GPR108: variants seen among roughly 807,000 people sequenced by gnomAD.
GPR108 encodes the protein G protein-coupled receptor 108.
A neutral mutation model predicts 74.3 loss-of-function variants in GPR108; 60 were observed. The observed-to-expected ratio is 0.81, with a 90% CI of 0.66 to 1.00. The LOEUF is 1.00. GPR108 is among the 50% of genes least tolerant of loss of function. The pLI is 0.00. For synonymous variants in GPR108, 311 were observed against 292.4 expected (o/e 1.06, Z -0.65); for missense variants, 667 against 703.3 (o/e 0.95, Z 0.58).
At chr19:6,735,039 C>T (rs977285593) in intron 4 of GPR108, among the ~76,000 whole-genome samples, 1 of 151,898 alleles carries the variant, frequency 6.6e-6, no homozygotes, top group African/African-American at 2.4e-5. Context: ...CACCACCATG[C>T]CTGGCTAATT....
At position 6,732,530 on chromosome 19, in the gene GPR108, T is replaced by C. The variant is rs750504860; in HGVS notation, c.953A>G (p.Asn318Ser). ...GCCTTCGATGGGGTGGCCCTGGCTG[T>C]TGATGAAGTAGTAGTTGATCTGGGG... ...LFHSINYYFI[N>S]SQGHPIEGLA... The change falls in exon 11 of 18, where the codon AAC becomes AGC. Residue 318 changes from asparagine to serine, a missense_variant. Physicochemically the swap from Asn to Ser is conservative, Grantham distance 46 (BLOSUM62 1). Coordinates refer to ENST00000264080, the MANE Select transcript of GPR108 (RefSeq NM_001080452.2). 1 of 1,613,668 alleles carries C rather than the reference T, an allele frequency of 6.2e-7. No individual in the cohort carries two copies. The highest frequency in any genetic ancestry group is 8.5e-7 in the Non-Finnish European group (1 of 1,179,948).
intron 10 of GPR108, 125 bp downstream of exon 10, chr19:6,732,862 T>C (rs1179728990): frequency 1.1e-5 from 9 of 821,142 alleles, no homozygotes; most frequent in African/African-American, 5.1e-5. Context: ...ACTGGTAAAA[T>C]GGGTGGACAC....
intron 1 of GPR108, 149 bp from the exon 2 acceptor site, chr19:6,736,860 C>A: frequency 9.4e-7 from 1 of 1,067,280 alleles, no homozygotes; most frequent in South Asian, 1.5e-5. Context: ...TTGAGAGGGA[C>A]TTCCTCCCTG....
intron 2 of GPR108, 129 bp from the exon 3 acceptor site, chr19:6,736,087 T>G (rs1968623033): frequency 1.3e-6 from 1 of 793,362 alleles, no homozygotes; most frequent in Non-Finnish European, 2.0e-6. Context: ...TCCCACACGC[T>G]CTTTTTCTTT....
rs755841242 is a variant in GPR108, at chr19:6,731,037, C to T, written c.1509G>A (p.Pro503=). Residue 503 remains proline (P), a synonymous_variant, in exon 17 of 18, where the codon CCG becomes CCA. Transcript: ENST00000264080. ...CGTCCTCCTGGGGCAGCTGCAGGTA[C>T]GGGTTGTTTCCTGTGGGCTGGAACT... The part of the protein sequence containing the change: ...GYKFQPTGNN[P]YLQLPQEDEE... The T allele has an allele frequency of 1.5e-5, 24 of 1,613,622 alleles. No homozygotes were observed. In the South Asian group the frequency reaches 1.6e-4, roughly 11 times the overall value.
Position 6,733,980 on chromosome 19 carries a change from C to T in GPR108, c.549+25G>A, listed in dbSNP as rs1236462911. ...CGCAGGGCCCTGGGGTGTGCATCTT[C>T]CCTCCTGCCCCGCCTCCCCGAAACC... On this transcript the variant is annotated intron_variant, in intron 6 of 17. Transcript: ENST00000264080. 6 of 1,614,134 alleles carry T rather than the reference C, an allele frequency of 3.7e-6. No individual in the cohort carries two copies. In the East Asian group the frequency reaches 1.3e-4, roughly 36 times the overall value.
In GPR108 at chr19:6,734,198, G is replaced by C. The variant is rs759024514; in HGVS notation, c.484C>G (p.Arg162Gly). The C allele has an allele frequency of 1.2e-6, 2 of 1,614,198 alleles. No homozygotes were observed. The highest frequency in any genetic ancestry group is 1.1e-5 in the South Asian group (1 of 91,082). ...GLPKPQATVP[R>G]KVDGGGTSAA... ...CCTGACTCACCGCCATCCACCTTGC[G>C]GGGGACTGTGGCCTGTGGCTTCGGG... Residue 162 changes from arginine (R) to glycine (G), a missense_variant, in exon 5 of 18, where the codon CGC (arginine) becomes GGC (glycine). Coordinates refer to ENST00000264080, the MANE Select transcript of GPR108 (RefSeq NM_001080452.2).
At position 6,734,300 on chromosome 19, in the gene GPR108, C is replaced by T. The variant is rs530425574; in HGVS notation, c.382G>A (p.Val128Met). Reference sequence around the variant, plus strand: ...GTCTTCTGCTCTCCATACTTCCGCACCTGGACCCTGGGGTGAGGGTGGGGT... The same window carrying T: ...GTCTTCTGCTCTCCATACTTCCGCATCTGGACCCTGGGGTGAGGGTGGGGT... ...LINTKDLQVQVRKYGEQKTLF... is the reference protein window; with the variant it reads ...LINTKDLQVQMRKYGEQKTLF... Residue 128 changes from valine (V) to methionine (M), a missense_variant, in exon 5 of 18, where the codon GTG becomes ATG. Val to Met is a conservative substitution (Grantham distance 21). Coordinates refer to ENST00000264080, the MANE Select transcript of GPR108 (RefSeq NM_001080452.2). 1.9e-6 allele frequency: 3 copies of T among 1,613,340 alleles called. No homozygotes were observed. The highest frequency in any genetic ancestry group is 2.2e-5 in the East Asian group (1 of 44,874).
intron 3 of GPR108, 36 bp downstream of exon 3, chr19:6,735,872 G>A (rs370303355): frequency 4.7e-5 from 75 of 1,601,028 alleles, no homozygotes; most frequent in Non-Finnish European, 6.1e-5. Context: ...CCTCCCTCCA[G>A]CCCCTTCTCC....
Position 6,734,246 on chromosome 19 carries a change from C to T in GPR108, c.436G>A (p.Glu146Lys). The change falls in exon 5 of 18, where the codon GAA becomes AAA. Residue 146 changes from glutamate to lysine, a missense_variant. Glu to Lys is a moderately conservative substitution (Grantham distance 56). Transcript: ENST00000264080. Reference protein sequence around the residue: ...TLFIFPGLLPEAPSKPGLPKP... With the variant: ...TLFIFPGLLPKAPSKPGLPKP... ...GGGAGCCCTGGTTTGGAGGGTGCTT[C>T]CGGGAGGAGCCCGGGAAAGATAAAC... The T allele has an allele frequency of 6.2e-7, 1 of 1,614,178 alleles. No individual in the cohort carries two copies. The highest frequency in any genetic ancestry group is 8.5e-7 in the Non-Finnish European group (1 of 1,180,036).
In GPR108 at chr19:6,732,035, G is replaced by A. The variant is rs778278408; in HGVS notation, c.1246C>T (p.Pro416Ser). Residue 416 changes from proline (P) to serine (S), a missense_variant, in exon 13 of 18, where the codon CCC becomes TCC. Pro to Ser is a moderately conservative substitution (Grantham distance 74, BLOSUM62 -1). Coordinates refer to ENST00000264080, the MANE Select transcript of GPR108 (RefSeq NM_001080452.2). ...DLICCGAILF[P>S]VVWSIRHLQD... ...GGGCAGGGTCCTCACCAGACTACGG[G>A]GAACAGGATGGCACCACAGCAGATG... The A allele has an allele frequency of 3.7e-6, 6 of 1,613,822 alleles. No individual in the cohort carries two copies.
At chr19:6,736,015 A>G (rs1968620731) in intron 2 of GPR108, 57 bp from the exon 3 acceptor site, 1 of 1,481,356 alleles carries the variant, frequency 6.8e-7, no homozygotes, top group Non-Finnish European at 9.3e-7. Context: ...CCTCCCAGCT[A>G]TCCCTTTCAG....
At position 6,732,772 on chromosome 19, in the gene GPR108, G is replaced by A. The variant is rs957879461; in HGVS notation, c.933+215C>T. ...ATAGTTGGACAATCAGAGACGGACA[G>A]TCACAGCTGAACCAAGGGACAGTGG... On this transcript the variant is annotated intron_variant, in intron 10 of 17. Transcript: ENST00000264080. 16 of 655,356 alleles carry A rather than the reference G, an allele frequency of 2.4e-5. No individual in the cohort carries two copies. The African/African-American group carries it at 2.8e-4, about 12-fold the overall frequency. The allele number at this position is 655,356 out of a possible 1,614,324, so 40.6% of individuals were successfully genotyped here. A position where few individuals can be genotyped will look rare whatever the true frequency, so the allele number is the denominator to read the frequency against.
intron 1 of GPR108, 156 bp downstream of exon 1, chr19:6,737,301 C>A (rs2068633781): frequency 4.1e-6 from 4 of 983,040 alleles, no homozygotes; most frequent in Non-Finnish European, 5.6e-6. Context: ...GAAGGGGATC[C>A]CGGGACGAGA....
In GPR108 at chr19:6,733,649, G is replaced by A. The variant is rs369597037; in HGVS notation, c.644C>T (p.Ala215Val). Reference sequence around the variant, plus strand: ...GTTCAGGCTGTACTGGCCTTCTTCCGCCTGAGAGCCGATCACCACGTGGAA... The same window carrying A: ...GTTCAGGCTGTACTGGCCTTCTTCCACCTGAGAGCCGATCACCACGTGGAA... ...FSFHVVIGSQ[A>V]EEGQYSLNFH... The change falls in exon 8 of 18, where the codon GCG (alanine) becomes GTG (valine). Residue 215 changes from alanine (A) to valine (V), a missense_variant. Coordinates refer to ENST00000264080, the MANE Select transcript of GPR108 (RefSeq NM_001080452.2). 1.2e-4 allele frequency: 188 copies of A among 1,613,978 alleles called. 1 individual carries two copies. Among genetic ancestry groups the A allele is most frequent in the East Asian group, 3.8e-4 (17 of 44,896 alleles).
rs767161190 is a variant in GPR108, at chr19:6,731,922, A to C, written c.1269T>G (p.His423Gln). The C allele has an allele frequency of 1.3e-5, 21 of 1,612,810 alleles. No homozygotes were observed. Among genetic ancestry groups the C allele is most frequent in the Admixed American group, 1.7e-5 (1 of 59,900 alleles). ...CGTCTGTGCCAGACGCATCCTGGAG[A>C]TGCCGGATGGACCTGGGACAAGTGG... ...ILFPVVWSIRHLQDASGTDGK... is the reference protein window; with the variant it reads ...ILFPVVWSIRQLQDASGTDGK... Residue 423 changes from histidine to glutamine, a missense_variant, in exon 14 of 18, where the codon CAT becomes CAG. His to Gln is a conservative substitution (Grantham distance 24). Coordinates refer to ENST00000264080, the MANE Select transcript of GPR108 (RefSeq NM_001080452.2).
intron 4 of GPR108, 102 bp from the exon 5 acceptor site, chr19:6,734,409 TGAGGGG>T (rs1968548528): frequency 8.7e-7 from 1 of 1,150,296 alleles, no homozygotes; most frequent in Non-Finnish European, 1.2e-6. Flanking sequence ...GTGTCCTCCC[TGAGGGG>T]CGGGGTCCAG....
chr19:6,736,594 G>C lies in GPR108; in HGVS notation c.238C>G (p.Leu80Val), dbSNP rs763017150. 1 of 1,613,480 alleles carries C rather than the reference G, an allele frequency of 6.2e-7. No individual in the cohort carries two copies. Among genetic ancestry groups the C allele is most frequent in the Non-Finnish European group, 8.5e-7 (1 of 1,179,720 alleles). ...GLREAEEKSL[L>V]VGFSLSRVRS... Reference sequence around the variant, plus strand: ...GCAAACTCCTCAAGGTCCCTCACCAGCAGGGACTTCTCTTCTGCCTCCCGG... The same window carrying C: ...GCAAACTCCTCAAGGTCCCTCACCACCAGGGACTTCTCTTCTGCCTCCCGG... Residue 80 changes from leucine to valine, a missense_variant and splice_region_variant, in exon 2 of 18, where the codon CTG (leucine) becomes GTG (valine). Coordinates refer to ENST00000264080, the MANE Select transcript of GPR108 (RefSeq NM_001080452.2).
At chr19:6,730,711 C>T in intron 17 of GPR108, 1 of 566,554 alleles carries the variant, frequency 1.8e-6, no homozygotes, top group Admixed American at 3.1e-5. Flanking sequence ...CCGCCCACCC[C>T]CGCCCCCAGA....
Sources: gnomAD v4.1 joint callset for allele counts (sites outside exome capture counted in the v4.1 genomes callset) on GRCh38, gnomAD v4.1.1 for gene constraint, MANE v1.5 for transcripts, NCBI Gene and HGNC (gene_info 2026-07-23, HGNC 2026-07-21) for gene names.